SUGCT: variants seen among roughly 807,000 people sequenced by gnomAD.
SUGCT encodes succinyl-CoA:glutarate-CoA transferase.
A neutral mutation model predicts 55.0 loss-of-function variants in SUGCT; 41 were observed. The observed-to-expected ratio is 0.74, with a 90% CI of 0.58 to 0.97. SUGCT has a LOEUF of 0.97. SUGCT is among the 50% of genes least tolerant of loss of function. The pLI, the probability that SUGCT is intolerant of heterozygous loss-of-function variation, is 0.00. For synonymous variants in SUGCT, 187 were observed against 200.4 expected (o/e 0.93, Z 0.56); for missense variants, 568 against 547.8 (o/e 1.04, Z -0.37).
intron 9 of SUGCT, among the ~76,000 whole-genome samples, chr7:40,427,433 C>T (rs918675837): frequency 2.0e-5 from 3 of 152,060 alleles, no homozygotes; most frequent in African/African-American, 7.2e-5. Context: ...ATGTCATTTC[C>T]CCCTTAACAT....
chr7:40,192,528 C>T lies in SUGCT; in HGVS notation c.364-2412C>T, dbSNP rs183813677. Among the ~76,000 whole-genome samples, 6 of 151,772 alleles carry T rather than the reference C, an allele frequency of 4.0e-5. No individual in the cohort carries two copies. The East Asian group carries it at 9.7e-4, about 24-fold the overall frequency. ...TTTTGTTATGAAAAATTAAAACATT[C>T]AGAAAAGTTGAAAGAATAATGAACT... On this transcript the variant is annotated intron_variant, in intron 5 of 13. Coordinates refer to ENST00000335693, the MANE Select transcript of SUGCT (RefSeq NM_001193313.2).
rs147488065 is a variant in SUGCT, at chr7:40,152,179, T to G, written c.100+17059T>G. 4.5e-3 allele frequency among the ~76,000 whole-genome samples: 681 copies of G among 152,292 alleles called. 7 individuals are homozygous for G. Among genetic ancestry groups the G allele is most frequent in the African/African-American group, 0.016 (657 of 41,552 alleles). Reference sequence around the variant, plus strand: ...TCCTAAACCATAATTTCTAATCTTGTGGATAATTTGTTAGTTTTACAAAGG... The same window carrying G: ...TCCTAAACCATAATTTCTAATCTTGGGGATAATTTGTTAGTTTTACAAAGG... On this transcript the variant is annotated intron_variant, in intron 1 of 13. Transcript: ENST00000335693.
intron 9 of SUGCT, among the ~76,000 whole-genome samples, chr7:40,422,440 C>T (rs1787359571): frequency 6.6e-6 from 1 of 152,110 alleles, no homozygotes; most frequent in African/African-American, 2.4e-5. Flanking sequence ...TACAATTTGG[C>T]CAATGCCTTC....
At chr7:40,710,598 G>A (rs1024153160) in intron 12 of SUGCT, among the ~76,000 whole-genome samples, 4 of 152,032 alleles carry the variant, frequency 2.6e-5, no homozygotes, top group African/African-American at 9.7e-5. Context: ...AAGCAGGAGA[G>A]AGAGAGATTT....
chr7:40,374,959 C>T (rs923919910), intron 9 of SUGCT, among the ~76,000 whole-genome samples: 6 of 152,070 alleles, frequency 3.9e-5, no homozygotes, highest in Non-Finnish European at 5.9e-5. Flanking sequence ...CCCTCTTCCA[C>T]AAACTCTATG....
Position 40,205,836 on chromosome 7 carries a change from A to T in SUGCT, c.484+10776A>T, listed in dbSNP as rs188557217. 2.0e-5 allele frequency among the ~76,000 whole-genome samples: 3 copies of T among 152,192 alleles called. No homozygotes were observed. The East Asian group carries it at 5.8e-4, about 29-fold the overall frequency. On this transcript the variant is annotated intron_variant, in intron 6 of 13. Coordinates refer to ENST00000335693, the MANE Select transcript of SUGCT (RefSeq NM_001193313.2). ...TAAAAAAGAGAAACCCAAAACTTTA[A>T]CAGGAGATTGAGCTGTTTTTCTACA...
At chr7:40,810,079 G>A (rs540781172) in intron 13 of SUGCT, among the ~76,000 whole-genome samples, 4 of 151,720 alleles carry the variant, frequency 2.6e-5, no homozygotes, top group African/African-American at 9.7e-5. Context: ...GAATAGTTCT[G>A]TGATGAACAT....
chr7:40,889,926 A>G, the SUGCT span, among the ~76,000 whole-genome samples: 2 of 152,120 alleles, frequency 1.3e-5, no homozygotes, highest in African/African-American at 2.4e-5. Context: ...GATACCTGAC[A>G]ACCATGTTAT....
At chr7:40,721,111 G>C (rs751460483) in intron 12 of SUGCT, among the ~76,000 whole-genome samples, 1 of 152,204 alleles carries the variant, frequency 6.6e-6, no homozygotes, top group African/African-American at 2.4e-5. Context: ...GAGCCAGTCT[G>C]TAGCAGCTCT....
At chr7:40,429,257 G>T (rs1787765454) in intron 9 of SUGCT, among the ~76,000 whole-genome samples, 1 of 151,976 alleles carries the variant, frequency 6.6e-6, no homozygotes, top group Admixed American at 6.6e-5. Context: ...CTGTATATCT[G>T]CTATTTTGTA....
At chr7:40,162,188 G>A (rs575344977) in intron 1 of SUGCT, among the ~76,000 whole-genome samples, 198 of 152,234 alleles carry the variant, frequency 1.3e-3, no homozygotes, top group African/African-American at 4.6e-3. Flanking sequence ...GAGCTACCGC[G>A]CCCGGCCGTG....
At chr7:40,796,492 G>A (rs1466023196) in intron 13 of SUGCT, among the ~76,000 whole-genome samples, 1 of 152,126 alleles carries the variant, frequency 6.6e-6, no homozygotes, top group Non-Finnish European at 1.5e-5. Context: ...GAGGAATATT[G>A]AGCTTTTATT....
chr7:40,853,483 G>A (rs1430835653), intron 13 of SUGCT, among the ~76,000 whole-genome samples: 2 of 152,102 alleles, frequency 1.3e-5, no homozygotes, highest in Non-Finnish European at 2.9e-5. Flanking sequence ...TCCTGCCTCA[G>A]CCTCCCGAGT....
intron 13 of SUGCT, among the ~76,000 whole-genome samples, chr7:40,809,635 A>G (rs570250137): frequency 6.6e-6 from 1 of 152,108 alleles, no homozygotes; most frequent in African/African-American, 2.4e-5. Flanking sequence ...GTTTTTTTCA[A>G]CTTGTATTTT....
chr7:40,868,808 A>G, the SUGCT span, among the ~76,000 whole-genome samples: 1 of 152,284 alleles, frequency 6.6e-6, no homozygotes, highest in African/African-American at 2.4e-5. Flanking sequence ...TCAGCCTCCC[A>G]AAGTGCTCGG....
intron 4 of SUGCT, among the ~76,000 whole-genome samples, chr7:40,188,853 A>T (rs1170100195): frequency 6.6e-6 from 1 of 152,208 alleles, no homozygotes; most frequent in African/African-American, 2.4e-5. Context: ...TTGATTCCTT[A>T]CATTTGTTAT....
At chr7:40,991,061 C>T in the SUGCT span, among the ~76,000 whole-genome samples, 4,536 of 152,296 alleles carry the variant, frequency 0.03, 170 homozygotes, top group African/African-American at 0.092. Context: ...AGCTTTTGGC[C>T]TATTTCAGCT....
chr7:41,021,778 A>G, the SUGCT span, among the ~76,000 whole-genome samples: 1 of 152,182 alleles, frequency 6.6e-6, no homozygotes, highest in South Asian at 2.1e-4. Flanking sequence ...CCCAAAATAC[A>G]TAGAGTGTCT....
intron 12 of SUGCT, among the ~76,000 whole-genome samples, chr7:40,662,424 G>A (rs900524834): frequency 2.6e-5 from 4 of 152,106 alleles, no homozygotes; most frequent in Non-Finnish European, 5.9e-5. Context: ...TCATCCAATC[G>A]CTTTTATTAT....
Sources: gnomAD v4.1 joint callset for allele counts (sites outside exome capture counted in the v4.1 genomes callset) on GRCh38, gnomAD v4.1.1 for gene constraint, MANE v1.5 for transcripts, NCBI Gene and HGNC (gene_info 2026-07-23, HGNC 2026-07-21) for gene names.